Variants in PRKAR2A observed in about 807,000 individuals in gnomAD.
The protein encoded by PRKAR2A is cAMP-dependent protein kinase type II-alpha regulatory subunit.
A neutral mutation model predicts 51.9 loss-of-function variants in PRKAR2A; 29 were observed. The observed-to-expected ratio is 0.56, with a 90% CI of 0.42 to 0.76. The LOEUF is 0.76. Ranked by LOEUF, PRKAR2A falls within the 30% of genes least tolerant of loss-of-function variation. PRKAR2A has a pLI of 0.00. For synonymous variants in PRKAR2A, 178 were observed against 186.2 expected, an observed-to-expected ratio of 0.96 and a Z score of 0.36; for missense variants, 445 against 512.1, an observed-to-expected ratio of 0.87 and a Z score of 1.26.
At chr3:48,801,279 G>C (rs1403700607) in intron 2 of PRKAR2A, among the ~76,000 whole-genome samples, 4 of 150,976 alleles carry the variant, frequency 2.6e-5, no homozygotes, top group Admixed American at 6.6e-5. Flanking sequence ...CAGCCTCCCA[G>C]GTAGCTGGGA....
chr3:48,744,740 A>G (rs1224696748), downstream of PRKAR2A: 1 of 152,162 alleles, frequency 6.6e-6, no homozygotes, highest in Admixed American at 6.6e-5. Context: ...GCAAGATCAA[A>G]CTGCAACAAG....
In PRKAR2A at chr3:48,751,550, G is replaced by T. The variant is rs571444909; in HGVS notation, c.*35C>A. 1 of 1,604,068 alleles carries T rather than the reference G, an allele frequency of 6.2e-7. No individual in the cohort carries two copies. The highest frequency in any genetic ancestry group is 2.2e-5 in the East Asian group (1 of 44,630). On this transcript the variant is annotated 3_prime_UTR_variant, in exon 11 of 11. Coordinates refer to ENST00000265563, the MANE Select transcript of PRKAR2A (RefSeq NM_004157.4). Reference sequence around the variant, plus strand: ...TTCTGTGGCTGACCAGAAGGTTTTGGTGTCACACTAAGAAGGCTCTGGGGT... The same window carrying T: ...TTCTGTGGCTGACCAGAAGGTTTTGTTGTCACACTAAGAAGGCTCTGGGGT...
chr3:48,813,058 G>A lies in PRKAR2A; in HGVS notation c.263-5374C>T, dbSNP rs186008141. ...GTACCTCTTCTAGTTTCTGGATACA[G>A]AAGACAAAAGTCCATTTGCATAGAA... On this transcript the variant is annotated intron_variant, in intron 1 of 10. Coordinates refer to ENST00000265563, the MANE Select transcript of PRKAR2A (RefSeq NM_004157.4). 1.2e-3 allele frequency among the ~76,000 whole-genome samples: 189 copies of A among 152,170 alleles called. 2 individuals carry two copies. Among genetic ancestry groups the A allele is most frequent in the African/African-American group, 3.9e-3 (161 of 41,504 alleles).
rs528733972 is a variant in PRKAR2A, at chr3:48,818,485, GT to G, written c.263-10802del. Among the ~76,000 whole-genome samples the G allele has an allele frequency of 2.0e-5, 3 of 152,314 alleles. No individual in the cohort carries two copies. In the East Asian group the frequency reaches 5.8e-4, roughly 29 times the overall value. ...CAGAACTTAAACCTGGCCAGGTGCA[GT>G]GGCTCACACCCATAATCTTTGGGAG... On this transcript the variant is annotated intron_variant, in intron 1 of 10. Coordinates refer to ENST00000265563, the MANE Select transcript of PRKAR2A (RefSeq NM_004157.4).
At chr3:48,824,775 G>GTCT (rs2083032044) in intron 1 of PRKAR2A, among the ~76,000 whole-genome samples, 1 of 151,626 alleles carries the variant, frequency 6.6e-6, no homozygotes, top group Non-Finnish European at 1.5e-5. Context: ...GTGAAACCCT[G>GTCT]TCTCTACTAA....
intron 10 of PRKAR2A, 82 bp from the exon 11 acceptor site, chr3:48,751,800 C>A: frequency 1.3e-6 from 2 of 1,503,996 alleles, no homozygotes; most frequent in Non-Finnish European, 1.8e-6. Context: ...CATACCCATT[C>A]ATGTTGTATG....
intron 2 of PRKAR2A, among the ~76,000 whole-genome samples, chr3:48,803,352 G>A (rs901644638): frequency 4.6e-5 from 7 of 152,232 alleles, no homozygotes; most frequent in Admixed American, 2.0e-4. Context: ...CAAGGCTGCA[G>A]TAACCTATGA....
chr3:48,798,424 G>A (rs1039431579), intron 2 of PRKAR2A, among the ~76,000 whole-genome samples: 4 of 152,016 alleles, frequency 2.6e-5, no homozygotes, highest in African/African-American at 9.7e-5. Context: ...CTAGAAATTT[G>A]GAATTAATCA....
At chr3:48,769,157 C>CTT (rs200382765) in intron 6 of PRKAR2A, among the ~76,000 whole-genome samples, 1 of 136,312 alleles carries the variant, frequency 7.3e-6, no homozygotes, top group Non-Finnish European at 1.5e-5. Context: ...AAATATCTTT[C>CTT]TTTTTTTTTT....
intron 1 of PRKAR2A, among the ~76,000 whole-genome samples, chr3:48,824,853 G>A (rs890360706): frequency 1.3e-5 from 2 of 151,622 alleles, no homozygotes; most frequent in Non-Finnish European, 2.9e-5. Context: ...GGCTGAGGTA[G>A]GAGAATCACT....
At chr3:48,788,483 T>C (rs1441872210) in intron 4 of PRKAR2A, among the ~76,000 whole-genome samples, 1 of 152,166 alleles carries the variant, frequency 6.6e-6, no homozygotes, top group Admixed American at 6.6e-5. Flanking sequence ...ATTCTTTTAA[T>C]GTGTGGCCTT....
chr3:48,809,286 T>C (rs2082731543), intron 1 of PRKAR2A, among the ~76,000 whole-genome samples: 2 of 151,848 alleles, frequency 1.3e-5, no homozygotes, highest in Admixed American at 1.3e-4. Context: ...ATTCCAGAGA[T>C]GAGAAAAAAT....
chr3:48,779,820 TAAATAAATA>T (rs1476422250), intron 5 of PRKAR2A, among the ~76,000 whole-genome samples: 3 of 146,258 alleles, frequency 2.1e-5, no homozygotes, highest in Non-Finnish European at 4.5e-5. Flanking sequence ...AATAAATAAA[TAAATAAATA>T]AAATATATAG....
At chr3:48,804,439 T>TGCAGGATCTA (rs1369753243) in intron 2 of PRKAR2A, among the ~76,000 whole-genome samples, 1 of 151,804 alleles carries the variant, frequency 6.6e-6, no homozygotes, top group African/African-American at 2.4e-5. Context: ...CTAACATGGG[T>TGCAGGATCTA]ACAGAGTGAG....
intron 8 of PRKAR2A, among the ~76,000 whole-genome samples, chr3:48,757,442 T>G (rs748237996): frequency 2.0e-5 from 3 of 152,216 alleles, no homozygotes; most frequent in Non-Finnish European, 4.4e-5. Flanking sequence ...AGTAACTATA[T>G]CTAATTTCTG....
chr3:48,826,892 A>C (rs193189023), intron 1 of PRKAR2A, among the ~76,000 whole-genome samples: 17 of 152,108 alleles, frequency 1.1e-4, no homozygotes, highest in Admixed American at 9.8e-4. Flanking sequence ...AAAAAAAAAA[A>C]ACAAAGTAAA....
intron 1 of PRKAR2A, among the ~76,000 whole-genome samples, chr3:48,811,403 AGG>A: frequency 6.6e-6 from 1 of 152,178 alleles, no homozygotes. Flanking sequence ...TGAGCCTGGG[AGG>A]TCAAGGTTGC....
intron 2 of PRKAR2A, among the ~76,000 whole-genome samples, chr3:48,798,905 C>T (rs967685962): frequency 2.0e-5 from 3 of 152,112 alleles, no homozygotes; most frequent in African/African-American, 7.2e-5. Context: ...AAGTGATCTG[C>T]CCACCTCGGT....
At chr3:48,827,922 T>C (rs897497461) in intron 1 of PRKAR2A, among the ~76,000 whole-genome samples, 2 of 152,162 alleles carry the variant, frequency 1.3e-5, no homozygotes, top group Non-Finnish European at 2.9e-5. Flanking sequence ...AGTCCAATCA[T>C]GGTACGATCT....
Sources: allele counts gnomAD v4.1 joint callset (sites outside exome capture counted in the v4.1 genomes callset), GRCh38; gene constraint gnomAD v4.1.1; transcripts MANE v1.5; gene names NCBI Gene and HGNC (gene_info 2026-07-23, HGNC 2026-07-21).